Variants in ZNF827 observed in about 807,000 individuals in gnomAD.
The protein encoded by ZNF827 is zinc finger protein 827.
A neutral mutation model predicts 102.4 loss-of-function variants in ZNF827; 13 were observed. The observed-to-expected ratio is 0.13, with a 90% CI of 0.08 to 0.20. The LOEUF is 0.20. ZNF827 is among the 10% of genes least tolerant of loss of function. ZNF827 has a pLI of 1.00. For missense variants in ZNF827, 1,103 were observed against 1,344.4 expected (o/e 0.82, Z 2.81); for synonymous variants, 523 against 536.2 (o/e 0.98, Z 0.34).
chr4:145,810,078 TA>T (rs1328512292), intron 8 of ZNF827, among the ~76,000 whole-genome samples: 1 of 152,236 alleles, frequency 6.6e-6, no homozygotes, highest in Non-Finnish European at 1.5e-5. Context: ...AAGTATAAAT[TA>T]CTTGACATGC....
rs781330052 is a variant in ZNF827, at chr4:145,885,793, G to A, written c.1632C>T (p.Pro544=). The change falls in exon 4 of 15, where the codon CCC becomes CCT. Residue 544 remains proline, a synonymous_variant. Transcript: ENST00000508784. ...GGTCTTTCAGCTTTGTGTGGTTGGC[G>A]GGCCTGTCGGCAGCATTCAAAGTAA... ...TSFTLNAADR[P]ANHTKLKDPS... The A allele has an allele frequency of 1.6e-5, 26 of 1,612,604 alleles. 1 individual carries two copies. Among genetic ancestry groups the A allele is most frequent in the Middle Eastern group, 3.3e-4 (2 of 6,078 alleles).
chr4:145,804,450 T>C (rs1305340580), intron 8 of ZNF827, among the ~76,000 whole-genome samples: 1 of 151,568 alleles, frequency 6.6e-6, no homozygotes, highest in Admixed American at 6.6e-5. Context: ...ACTTTTTTTC[T>C]GGTGGCTAAA....
intron 1 of ZNF827, among the ~76,000 whole-genome samples, chr4:145,922,222 T>C (rs548793403): frequency 6.6e-6 from 1 of 152,332 alleles, no homozygotes; most frequent in African/African-American, 2.4e-5. Context: ...CATTACTATG[T>C]AGACAACTTA....
chr4:145,920,118 T>C (rs1029250536), intron 1 of ZNF827, among the ~76,000 whole-genome samples: 8 of 152,240 alleles, frequency 5.3e-5, no homozygotes, highest in Non-Finnish European at 1.2e-4. Flanking sequence ...TAGTGAATAA[T>C]AGCTTTCCCT....
chr4:145,936,528 A>T (rs1021504460), intron 1 of ZNF827, among the ~76,000 whole-genome samples: 4 of 152,002 alleles, frequency 2.6e-5, no homozygotes, highest in Non-Finnish European at 5.9e-5. Flanking sequence ...GGAAAGAAAG[A>T]GGAATGTTTG....
chr4:145,849,815 AG>A (rs1746351252), intron 5 of ZNF827, among the ~76,000 whole-genome samples: 1 of 152,208 alleles, frequency 6.6e-6, no homozygotes, highest in Non-Finnish European at 1.5e-5. Flanking sequence ...TAGCAGGGCC[AG>A]GCCTTGGCCT....
chr4:145,771,806 C>T (rs530277033), intron 11 of ZNF827, among the ~76,000 whole-genome samples: 27 of 152,326 alleles, frequency 1.8e-4, no homozygotes, highest in African/African-American at 5.8e-4. Context: ...CACAACTTCA[C>T]TTAGGTAACA....
rs1269821412 is a variant in ZNF827 at position 145,774,665 on chromosome 4, C to A, written c.2701G>T (p.Val901Leu). Residue 901 changes from valine to leucine, a missense_variant, in exon 11 of 15, where the codon GTG becomes TTG. Around this residue, in one of 5 missense-constraint regions of ZNF827, gnomAD observed 242 missense variants for 361.9 expected, o/e 0.67. Transcript: ENST00000508784. The stretch of plus-strand genomic sequence containing the variant: ...TTGAGCTCGGTCTCAAATCCACACA[C>A]GTGACAACTACATGAAAGGGTAAAA... ...KKHPYYYSCH[V>L]CGFETELNVQ... 1 of 1,613,274 alleles carries A rather than the reference C, an allele frequency of 6.2e-7. No homozygotes were observed. Among genetic ancestry groups the A allele is most frequent in the Admixed American group, 1.7e-5 (1 of 59,932 alleles).
intron 5 of ZNF827, among the ~76,000 whole-genome samples, chr4:145,855,545 C>T (rs567250744): frequency 6.6e-6 from 1 of 151,968 alleles, no homozygotes; most frequent in Admixed American, 6.5e-5. Flanking sequence ...GGGACTGGCA[C>T]CCGCTGGCAT....
chr4:145,798,740 T>C (rs1740611399), intron 8 of ZNF827, among the ~76,000 whole-genome samples: 1 of 152,220 alleles, frequency 6.6e-6, no homozygotes, highest in South Asian at 2.1e-4. Context: ...ATGTTAAATA[T>C]TAGAACAGAT....
intron 5 of ZNF827, among the ~76,000 whole-genome samples, chr4:145,853,119 C>T (rs1746699991): frequency 6.6e-6 from 1 of 152,220 alleles, no homozygotes; most frequent in African/African-American, 2.4e-5. Flanking sequence ...CCTTTCATTT[C>T]TAGCCTAGGC....
intron 4 of ZNF827, among the ~76,000 whole-genome samples, chr4:145,884,949 T>C (rs1047921945): frequency 6.6e-6 from 1 of 152,070 alleles, no homozygotes; most frequent in South Asian, 2.1e-4. Flanking sequence ...CCAGGGCCTG[T>C]GGGGGAAGAG....
intron 8 of ZNF827, among the ~76,000 whole-genome samples, chr4:145,801,442 G>A (rs561523310): frequency 2.3e-4 from 35 of 152,194 alleles, no homozygotes; most frequent in Admixed American, 6.5e-4. Flanking sequence ...CTGTTTTGAC[G>A]GAAACCTTTC....
chr4:145,798,316 G>C (rs1256887551), intron 8 of ZNF827, among the ~76,000 whole-genome samples: 1 of 152,202 alleles, frequency 6.6e-6, no homozygotes, highest in Non-Finnish European at 1.5e-5. Flanking sequence ...TAGGGGCCAA[G>C]CTACCCTGAC....
At chr4:145,790,169 A>G (rs979189858) in intron 8 of ZNF827, among the ~76,000 whole-genome samples, 6 of 152,228 alleles carry the variant, frequency 3.9e-5, no homozygotes, top group Non-Finnish European at 8.8e-5. Context: ...TTTAAATTCA[A>G]AAGTTATCTT....
intron 8 of ZNF827, among the ~76,000 whole-genome samples, chr4:145,820,262 A>G (rs1743018549): frequency 6.6e-6 from 1 of 152,168 alleles, no homozygotes; most frequent in Non-Finnish European, 1.5e-5. Flanking sequence ...CTATATACCA[A>G]TGTTGTATAT....
At chr4:145,921,620 G>GGGAAGAAATTCAATGAGGGGA (rs1246824895) in intron 1 of ZNF827, among the ~76,000 whole-genome samples, 2 of 151,988 alleles carry the variant, frequency 1.3e-5, no homozygotes, top group East Asian at 1.9e-4. Flanking sequence ...AAACTGGGTG[G>GGGAAGAAATTCAATGAGGGGA]GGAAGAAATT....
chr4:145,837,491 C>A (rs1365343828), intron 7 of ZNF827, among the ~76,000 whole-genome samples: 1 of 151,964 alleles, frequency 6.6e-6, no homozygotes, highest in African/African-American at 2.4e-5. Flanking sequence ...AAAAACTTGT[C>A]ATCCCTACTA....
rs183030277 is a variant in ZNF827 at position 145,786,217 on chromosome 4, A to G, written c.2384-6706T>C. Among the ~76,000 whole-genome samples, 6 of 152,324 alleles carry G rather than the reference A, an allele frequency of 3.9e-5. No individual in the cohort carries two copies. The East Asian group carries it at 1.2e-3, about 29-fold the overall frequency. On this transcript the variant is annotated intron_variant, in intron 8 of 14. Coordinates refer to ENST00000508784, the MANE Select transcript of ZNF827 (RefSeq NM_001306215.2). ...TTCAATTTTAACATAATTTGACCCT[A>G]TATTTGGTGTATTGTTTGGCTTTGT...
Sources: gnomAD v4.1 joint callset for allele counts (sites outside exome capture counted in the v4.1 genomes callset) on GRCh38, gnomAD v4.1.1 for gene constraint, gnomAD v4.1.1 regional missense constraint, MANE v1.5 for transcripts, NCBI Gene and HGNC (gene_info 2026-07-23, HGNC 2026-07-21) for gene names.